The following COG5 variants were observed in gnomAD, a reference collection of about 807,000 sequenced individuals.
COG5 encodes the protein component of oligomeric golgi complex 5, also known as conserved oligomeric Golgi complex subunit 5.
A neutral mutation model predicts 110.4 loss-of-function variants in COG5; 86 were observed. The ratio of observed to expected loss-of-function variants is 0.78; its 90% CI spans 0.65 to 0.93. The LOEUF (loss-of-function observed/expected upper bound fraction) is 0.93. COG5 is among the 40% of genes least tolerant of loss of function. The pLI, the probability that COG5 is intolerant of heterozygous loss-of-function variation, is 0.00. For missense variants in COG5, 1,077 were observed against 987.0 expected (o/e 1.09, Z -1.22); for synonymous variants, 360 against 334.6 (o/e 1.08, Z -0.83).
chr7:107,205,553 AAC>A (rs1798706926), intron 21 of COG5, among the ~76,000 whole-genome samples: 1 of 152,226 alleles, frequency 6.6e-6, no homozygotes, highest in Non-Finnish European at 1.5e-5. Flanking sequence ...GTCTCTGCCT[AAC>A]AAAGTAGGGG....
rs545252307 is a variant in COG5 at position 107,533,707 on chromosome 7, G to C, written c.418-6350C>G. Reference sequence around the variant, plus strand: ...ACATTTGATTGCTGTACCCGAAAGCGATGGGGAGAATGGAACCAAGTTGGA... The same window carrying C: ...ACATTTGATTGCTGTACCCGAAAGCCATGGGGAGAATGGAACCAAGTTGGA... On this transcript the variant is annotated intron_variant, in intron 5 of 21. Transcript: ENST00000297135. 1.9e-4 allele frequency among the ~76,000 whole-genome samples: 29 copies of C among 151,734 alleles called. 2 individuals are homozygous for C. The highest frequency in any genetic ancestry group is 7.1e-4 in the African/African-American group (29 of 41,016).
chr7:107,447,763 T>A (rs933516135), intron 6 of COG5, among the ~76,000 whole-genome samples: 1 of 152,232 alleles, frequency 6.6e-6, no homozygotes, highest in Admixed American at 6.5e-5. Flanking sequence ...GTTTCTCTTT[T>A]TCTTTTAAAA....
chr7:107,409,083 A>AT (rs1360114324), intron 7 of COG5, among the ~76,000 whole-genome samples: 1 of 152,052 alleles, frequency 6.6e-6, no homozygotes, highest in Non-Finnish European at 1.5e-5. Context: ...GCAGATTGAG[A>AT]TTTTAAAGTT....
At chr7:107,409,408 C>T (rs1792112252) in intron 7 of COG5, among the ~76,000 whole-genome samples, 1 of 151,880 alleles carries the variant, frequency 6.6e-6, no homozygotes, top group Admixed American at 6.6e-5. Context: ...AAGTAATCTA[C>T]TTTCAGTAGA....
intron 11 of COG5, among the ~76,000 whole-genome samples, chr7:107,300,069 TAAAAG>T (rs1458307411): frequency 3.3e-5 from 5 of 151,090 alleles, no homozygotes; most frequent in Admixed American, 3.3e-4. Flanking sequence ...TTAACAAACT[TAAAAG>T]AAAAAGCGTA....
chr7:107,257,715 A>C (rs1802987805), intron 15 of COG5, among the ~76,000 whole-genome samples: 1 of 152,130 alleles, frequency 6.6e-6, no homozygotes, highest in South Asian at 2.1e-4. Context: ...CTTAGACATA[A>C]TATATGAAGA....
intron 11 of COG5, among the ~76,000 whole-genome samples, chr7:107,301,142 T>C (rs963102424): frequency 2.0e-5 from 3 of 152,116 alleles, no homozygotes; most frequent in African/African-American, 2.4e-5. Flanking sequence ...TATACAAAAA[T>C]TAACTCAAAA....
At chr7:107,309,756 T>C (rs1437750086) in intron 11 of COG5, among the ~76,000 whole-genome samples, 8 of 152,202 alleles carry the variant, frequency 5.3e-5, no homozygotes, top group Non-Finnish European at 1.2e-4. Flanking sequence ...ATTTTAGGAA[T>C]TTTTTCATTT....
rs538249320 is a variant in COG5 at position 107,345,533 on chromosome 7, G to T, written c.1026+16500C>A. Among the ~76,000 whole-genome samples the T allele has an allele frequency of 2.6e-5, 4 of 151,472 alleles. No homozygotes were observed. In the South Asian group the frequency reaches 6.2e-4, roughly 24 times the overall value. On this transcript the variant is annotated intron_variant, in intron 10 of 21. Coordinates refer to ENST00000297135, the MANE Select transcript of COG5 (RefSeq NM_006348.5). ...AAAGTAGTCGGGCACTTAGAAAGTA[G>T]AGTAGTGTTCGCCAGGGGAAAGTAA...
intron 10 of COG5, among the ~76,000 whole-genome samples, chr7:107,333,540 A>G (rs571766126): frequency 6.6e-6 from 1 of 152,314 alleles, no homozygotes; most frequent in East Asian, 1.9e-4. Flanking sequence ...GTTTTATAAA[A>G]TAAGAGCTTA....
Position 107,476,127 on chromosome 7 carries a change from T to C in COG5, c.538+51110A>G, listed in dbSNP as rs553480800. Among the ~76,000 whole-genome samples, 7 of 143,632 alleles carry C rather than the reference T, an allele frequency of 4.9e-5. No individual in the cohort carries two copies. In the East Asian group the frequency reaches 1.5e-3, roughly 30 times the overall value. The allele number at this position is 143,632 out of a possible 152,430, so 94.2% of individuals were successfully genotyped here. On this transcript the variant is annotated intron_variant, in intron 6 of 21. Coordinates refer to ENST00000297135, the MANE Select transcript of COG5 (RefSeq NM_006348.5). The stretch of plus-strand genomic sequence containing the variant: ...CTAAAACACCAGCCTCTTTCTTCCT[T>C]CCTCACTTTGCTTAAGTCTAAGCCA...
At chr7:107,532,721 C>T (rs1356464950) in intron 5 of COG5, among the ~76,000 whole-genome samples, 1 of 152,016 alleles carries the variant, frequency 6.6e-6, no homozygotes, top group Non-Finnish European at 1.5e-5. Context: ...CAGGAGATAA[C>T]AAAATTAGAA....
At chr7:107,221,597 T>C (rs1049013527) in intron 19 of COG5, among the ~76,000 whole-genome samples, 39 of 151,790 alleles carry the variant, frequency 2.6e-4, no homozygotes, top group African/African-American at 7.0e-4. Flanking sequence ...ATCCCATCTT[T>C]ACTAAAAATA....
chr7:107,336,191 T>C (rs1460071947), intron 10 of COG5, among the ~76,000 whole-genome samples: 1 of 152,236 alleles, frequency 6.6e-6, no homozygotes, highest in Non-Finnish European at 1.5e-5. Flanking sequence ...ATGTGGCATA[T>C]ATACCCAGTA....
chr7:107,296,254 T>C (rs560187157), intron 12 of COG5, among the ~76,000 whole-genome samples: 5 of 150,782 alleles, frequency 3.3e-5, no homozygotes, highest in African/African-American at 1.2e-4. Context: ...AAGCAGAAAA[T>C]ACAAAATTAG....
At position 107,311,370 on chromosome 7, in the gene COG5, A is replaced by ATTTTTTTTTTTT. The variant is rs71134260; in HGVS notation, c.1109-13036_1109-13025dup. Among the ~76,000 whole-genome samples the ATTTTTTTTTTTT allele has an allele frequency of 2.4e-4, 14 of 58,950 alleles. 1 individual carries two copies. Among genetic ancestry groups the ATTTTTTTTTTTT allele is most frequent in the Non-Finnish European group, 3.3e-4 (11 of 32,840 alleles). The allele number at this position is 58,950 out of a possible 152,430, so 38.7% of individuals were successfully genotyped here. On this transcript the variant is annotated intron_variant, in intron 11 of 21. Coordinates refer to ENST00000297135, the MANE Select transcript of COG5 (RefSeq NM_006348.5). ...TATAAGTGATATCGAGCGTATTTAC[A>ATTTTTTTTTTTT]TTTTTTTTTTTTTTTTTTTTTTTTT...
intron 5 of COG5, among the ~76,000 whole-genome samples, chr7:107,541,979 C>A (rs1156742102): frequency 6.7e-6 from 1 of 148,770 alleles, no homozygotes; most frequent in Non-Finnish European, 1.5e-5. Flanking sequence ...ATGGGATTAA[C>A]AGCAGATTAC....
chr7:107,315,871 C>G (rs1329979711), intron 11 of COG5, among the ~76,000 whole-genome samples: 1 of 152,130 alleles, frequency 6.6e-6, no homozygotes, highest in Non-Finnish European at 1.5e-5. Flanking sequence ...TTAGAAGTAG[C>G]AGGCTATTCC....
At chr7:107,216,053 G>A (rs1415722469) in intron 19 of COG5, among the ~76,000 whole-genome samples, 2 of 152,078 alleles carry the variant, frequency 1.3e-5, no homozygotes, top group African/African-American at 4.8e-5. Flanking sequence ...AAAAGTGAAA[G>A]TATGAAGAAA....
Sources: gnomAD v4.1 joint callset for allele counts (sites outside exome capture counted in the v4.1 genomes callset) on GRCh38, gnomAD v4.1.1 for gene constraint, MANE v1.5 for transcripts, NCBI Gene and HGNC (gene_info 2026-07-23, HGNC 2026-07-21) for gene names.